SRP19: variants seen among roughly 807,000 people sequenced by gnomAD.
SRP19 encodes the protein signal recognition particle 19 kDa protein.
A neutral mutation model predicts 22.4 loss-of-function variants in SRP19; 11 were observed. The ratio of observed to expected loss-of-function variants is 0.49; its 90% CI spans 0.31 to 0.81. The LOEUF is 0.81. Ranked by LOEUF, SRP19 falls within the 40% of genes least tolerant of loss-of-function variation. The pLI, the probability that SRP19 is intolerant of heterozygous loss-of-function variation, is 0.05. For synonymous variants in SRP19, 61 were observed against 57.6 expected (o/e 1.06, Z -0.27); for missense variants, 168 against 175.9 (o/e 0.96, Z 0.25).
At chr5:112,863,551 T>C (rs1767484644) in intron 2 of SRP19, among the ~76,000 whole-genome samples, 1 of 152,152 alleles carries the variant, frequency 6.6e-6, no homozygotes, top group African/African-American at 2.4e-5. Context: ...ATGTCTTTTG[T>C]GTGTGGGTAG....
At position 112,869,439 on chromosome 5, in the gene SRP19, C is replaced by T. The variant is rs1767706690; in HGVS notation, c.*1902C>T. ...TTGTTGAGAACTGTGACAGGTCCAT[C>T]TCTAGCTGCAAAGGAGGCTGAGAAA... On this transcript the variant is annotated 3_prime_UTR_variant, in exon 5 of 5. Coordinates refer to ENST00000505459, the MANE Select transcript of SRP19 (RefSeq NM_003135.3). 6.6e-6 allele frequency: 1 copy of T among 152,210 alleles called. No homozygotes were observed. 9.4% of individuals were successfully genotyped at this position (152,210 alleles called of 1,614,324 possible).
At chr5:112,864,939 C>A in intron 4 of SRP19, 1 of 386,574 alleles carries the variant, frequency 2.6e-6, no homozygotes, top group Non-Finnish European at 4.6e-6. Flanking sequence ...ACCCACTAAA[C>A]ATTTTTCAAA....
intron 4 of SRP19, chr5:112,878,399 G>A (rs1473498353): frequency 3.8e-5 from 7 of 184,902 alleles, no homozygotes. Context: ...TACATTACAG[G>A]AAGTAGAACC....
Position 112,878,948 on chromosome 5 carries a change from A to T in SRP19, c.302-12655A>T, listed in dbSNP as rs567378895. On this transcript the variant is annotated intron_variant, in intron 4 of 4. Transcript: ENST00000391338. ...CTAGATAACAAAACTTGGATGACTC[A>T]TGTTCAGGTGCGATCATGTTGGGGT... 4.6e-6 allele frequency: 7 copies of T among 1,521,112 alleles called. No individual in the cohort carries two copies. In the South Asian group the frequency reaches 8.2e-5, roughly 18 times the overall value. The allele number at this position is 1,521,112 out of a possible 1,614,324, so 94.2% of individuals were successfully genotyped here.
chr5:112,871,895 G>A (rs1289834660), downstream of SRP19, among the ~76,000 whole-genome samples: 9 of 152,216 alleles, frequency 5.9e-5, no homozygotes, highest in Non-Finnish European at 1.2e-4. Flanking sequence ...TAATGAGACA[G>A]TTGAGTATTT....
intron 4 of SRP19, among the ~76,000 whole-genome samples, chr5:112,881,608 T>G (rs1580727728): frequency 1.3e-5 from 2 of 152,228 alleles, no homozygotes; most frequent in South Asian, 2.1e-4. Flanking sequence ...CTGGTAGGTG[T>G]TGTTTTTGTT....
intron 1 of SRP19, among the ~76,000 whole-genome samples, chr5:112,862,156 A>G (rs1022771060): frequency 6.6e-6 from 1 of 152,206 alleles, no homozygotes; most frequent in African/African-American, 2.4e-5. Flanking sequence ...TACACTCCAC[A>G]GGGTGGGAGC....
At chr5:112,893,828 T>C (rs761321310), downstream of SRP19, 6 of 152,250 alleles carry the variant, frequency 3.9e-5, no homozygotes, top group Admixed American at 6.5e-5. Context: ...TATGTGCAAG[T>C]AGTTCGATGT....
At position 112,869,053 on chromosome 5, in the gene SRP19, G is replaced by T. The variant is rs1767696123; in HGVS notation, c.*1516G>T. 1 of 152,202 alleles carries T rather than the reference G, an allele frequency of 6.6e-6. No homozygotes were observed. The highest frequency in any genetic ancestry group is 1.5e-5 in the Non-Finnish European group (1 of 68,040). 9.4% of individuals were successfully genotyped at this position (152,202 alleles called of 1,614,324 possible). A position where few individuals can be genotyped will look rare whatever the true frequency, so the allele number is the denominator to read the frequency against. On this transcript the variant is annotated 3_prime_UTR_variant, in exon 5 of 5. Transcript: ENST00000505459. The stretch of plus-strand genomic sequence containing the variant: ...TTTGAGAAAGTGGGTGTGTTTGGCT[G>T]TGTAACAAAACAATAAGGGGATGTG...
Position 112,892,664 on chromosome 5 carries a change from A to G in SRP19, c.*1057A>G, listed in dbSNP as rs61733661. ...CTTCATGTGTTCAGAAATCCCAACA[A>G]TGAATTCTGGGAAGCTAATAGAGAC... is the stretch of plus-strand genomic sequence containing the variant. On this transcript the variant is annotated 3_prime_UTR_variant, in exon 5 of 5. Coordinates refer to the SRP19 transcript ENST00000391338. The G allele has an allele frequency of 1.5e-5, 25 of 1,614,006 alleles. No homozygotes were observed. The African/African-American group carries it at 2.3e-4, about 15-fold the overall frequency.
intron 4 of SRP19, among the ~76,000 whole-genome samples, chr5:112,880,769 T>A (rs564919656): frequency 6.6e-6 from 1 of 152,034 alleles, no homozygotes; most frequent in Non-Finnish European, 1.5e-5. Flanking sequence ...TAGACAGAAA[T>A]GACATCACCA....
downstream of SRP19, chr5:112,893,364 C>T (rs1209248601): frequency 4.7e-6 from 1 of 211,502 alleles, no homozygotes; most frequent in Non-Finnish European, 9.6e-6. Flanking sequence ...GAGTCGACAT[C>T]ATGCCACTTC....
At position 112,861,416 on chromosome 5, in the gene SRP19, A is replaced by C; in HGVS notation, c.40A>C (p.Arg14=). 2.5e-6 allele frequency: 4 copies of C among 1,613,898 alleles called. No individual in the cohort carries two copies. Among genetic ancestry groups the C allele is most frequent in the Non-Finnish European group, 3.4e-6 (4 of 1,179,900 alleles). Residue 14 remains arginine, a splice_region_variant and synonymous_variant, in exon 1 of 5, where the codon AGG becomes CGG. Coordinates refer to ENST00000505459, the MANE Select transcript of SRP19 (RefSeq NM_003135.3). ...AAARSPADQD[R]FICIYPAYLN... ...CGCGCGGTCCCCGGCCGACCAGGACAGGTGGGTTCTGAGGCGGTGGGTCCT... is the reference window on the plus strand; with the variant it reads ...CGCGCGGTCCCCGGCCGACCAGGACCGGTGGGTTCTGAGGCGGTGGGTCCT...
intron 4 of SRP19, chr5:112,877,130 T>G (rs988534685): frequency 6.6e-6 from 1 of 152,190 alleles, no homozygotes; most frequent in Non-Finnish European, 1.5e-5. Context: ...AAGTTTTAAG[T>G]TTAATAAAAT....
chr5:112,864,665 C>T lies in SRP19; in HGVS notation c.234C>T (p.Tyr78=), dbSNP rs745674928. ...YSREWNRDVQ[Y]RGRVRVQLKQ... is the part of the protein sequence containing the mutation. ...GAGAATGGAATCGTGATGTCCAATA[C>T]AGAGGCAGAGTCCGGGTCCAGCTCA... Residue 78 remains tyrosine, a synonymous_variant, in exon 4 of 5, where the codon TAC becomes TAT. Transcript: ENST00000505459. 5 of 1,614,102 alleles carry T rather than the reference C, an allele frequency of 3.1e-6. No homozygotes were observed. Among genetic ancestry groups the T allele is most frequent in the South Asian group, 1.1e-5 (1 of 91,082 alleles).
At chr5:112,877,532 C>CAAAG (rs1298964352) in intron 4 of SRP19, 3 of 152,150 alleles carry the variant, frequency 2.0e-5, no homozygotes, top group Non-Finnish European at 2.9e-5. Flanking sequence ...CTTATCAACA[C>CAAAG]AAAGAATACG....
rs180940157 is a variant in SRP19, at chr5:112,880,864, C to T, written c.302-10739C>T. Among the ~76,000 whole-genome samples, 1,045 of 152,268 alleles carry T rather than the reference C, an allele frequency of 6.9e-3. 8 individuals carry two copies. Among genetic ancestry groups the T allele is most frequent in the South Asian group, 0.012 (58 of 4,828 alleles). On this transcript the variant is annotated intron_variant, in intron 4 of 4. Coordinates refer to the SRP19 transcript ENST00000391338. ...GTAATCCTGGCTGGGCATGGTGGCT[C>T]ATGCCTGTAATCCCAGCATTTTGAG...
At chr5:112,884,836 CT>C (rs1768193011) in intron 4 of SRP19, among the ~76,000 whole-genome samples, 1 of 151,298 alleles carries the variant, frequency 6.6e-6, no homozygotes, top group Non-Finnish European at 1.5e-5. Flanking sequence ...GGTAAATATA[CT>C]ATCTAATTTT....
intron 4 of SRP19, among the ~76,000 whole-genome samples, chr5:112,881,615 T>A (rs1303901644): frequency 1.3e-5 from 2 of 152,198 alleles, no homozygotes; most frequent in African/African-American, 4.8e-5. Flanking sequence ...GTGTTGTTTT[T>A]GTTCTTCATT....
Sources: gnomAD v4.1 joint callset for allele counts (sites outside exome capture counted in the v4.1 genomes callset) on GRCh38, gnomAD v4.1.1 for gene constraint, MANE v1.5 for transcripts, NCBI Gene and HGNC (gene_info 2026-07-23, HGNC 2026-07-21) for gene names.